Variants in BICD1 observed in about 807,000 individuals in gnomAD.
BICD1 encodes the protein BICD cargo adaptor 1.
In BICD1, 35 loss-of-function variants were observed where a neutral mutation model predicts 92.5. That is an observed-to-expected ratio of 0.38 (90% CI 0.29 to 0.50). BICD1 has a LOEUF of 0.50. Ranked by LOEUF, BICD1 falls within the 20% of genes least tolerant of loss-of-function variation. The pLI is 0.93. For missense variants in BICD1, 950 were observed against 1,189.8 expected (o/e 0.80, Z 2.97); for synonymous variants, 429 against 465.1 (o/e 0.92, Z 1.00).
chr12:32,122,852 C>T (rs934385073), intron 1 of BICD1, among the ~76,000 whole-genome samples: 1 of 152,076 alleles, frequency 6.6e-6, no homozygotes, highest in Non-Finnish European at 1.5e-5. Context: ...ATTTGTGATG[C>T]CAGTGTGATT....
chr12:32,142,637 A>G (rs1942982552), intron 1 of BICD1, among the ~76,000 whole-genome samples: 1 of 152,182 alleles, frequency 6.6e-6, no homozygotes, highest in African/African-American at 2.4e-5. Context: ...GCATTCTTAT[A>G]AAGAGATCTC....
chr12:32,142,849 T>C (rs2668300), intron 1 of BICD1, among the ~76,000 whole-genome samples: 152,014 of 152,362 alleles, frequency 1, 75,836 homozygotes, highest in Middle Eastern at 1. Flanking sequence ...CTTTATGAAA[T>C]CTTGCATGCA....
intron 1 of BICD1, among the ~76,000 whole-genome samples, chr12:32,118,857 T>C (rs1337214119): frequency 3.9e-5 from 6 of 152,250 alleles, no homozygotes; most frequent in African/African-American, 1.4e-4. Context: ...GTGGCTACTG[T>C]GTCGGGCATG....
intron 1 of BICD1, among the ~76,000 whole-genome samples, chr12:32,145,877 T>C (rs1314749541): frequency 6.6e-6 from 1 of 152,196 alleles, no homozygotes; most frequent in African/African-American, 2.4e-5. Context: ...TTTGTCTTTA[T>C]CAGTCTGAAT....
chr12:32,117,756 A>ATTTTTTT (rs1401761768), intron 1 of BICD1, among the ~76,000 whole-genome samples: 128 of 108,328 alleles, frequency 1.2e-3, no homozygotes, highest in African/African-American at 3.9e-3. Context: ...ATATATATAT[A>ATTTTTTT]TATTTTTTTT....
At chr12:32,361,561 A>AAG (rs1939326888) in intron 8 of BICD1, among the ~76,000 whole-genome samples, 1 of 151,808 alleles carries the variant, frequency 6.6e-6, no homozygotes, top group African/African-American at 2.4e-5. Context: ...TCAAAAAAAA[A>AAG]AAAAAAAGAA....
chr12:32,201,763 A>G (rs970936632), intron 1 of BICD1, among the ~76,000 whole-genome samples: 3 of 152,032 alleles, frequency 2.0e-5, no homozygotes, highest in African/African-American at 7.3e-5. Flanking sequence ...TAGTTTACCT[A>G]TATTTTATAC....
chr12:32,210,966 C>T (rs527277336), intron 1 of BICD1, among the ~76,000 whole-genome samples: 13 of 152,278 alleles, frequency 8.5e-5, no homozygotes, highest in African/African-American at 2.6e-4. Context: ...TGGAGCCAGA[C>T]GAGTCGGGTA....
Position 32,361,375 on chromosome 12 carries a change from A to G in BICD1, c.2765-6295A>G, listed in dbSNP as rs943725349. Among the ~76,000 whole-genome samples, 21 of 152,020 alleles carry G rather than the reference A, an allele frequency of 1.4e-4. No homozygotes were observed. In the South Asian group the frequency reaches 4.4e-3, roughly 32 times the overall value. ...GTTCGAGACCAGCCTGGCCATGGTG[A>G]AACCCCATCTCCACCAAACATACAA... On this transcript the variant is annotated intron_variant, in intron 8 of 9. Coordinates refer to ENST00000652176, the MANE Select transcript of BICD1 (RefSeq NM_001714.4).
chr12:32,211,415 C>T (rs543662538), intron 1 of BICD1, among the ~76,000 whole-genome samples: 1 of 152,202 alleles, frequency 6.6e-6, no homozygotes, highest in African/African-American at 2.4e-5. Flanking sequence ...ATTCTTGATT[C>T]TTTTTTGAAA....
rs1476376231 is a variant in BICD1, at chr12:32,348,714, T to TCACACA, written c.2764+9736_2764+9741dup. Among the ~76,000 whole-genome samples the TCACACA allele has an allele frequency of 6.6e-4, 90 of 136,334 alleles. 1 individual carries two copies. Among genetic ancestry groups the TCACACA allele is most frequent in the African/African-American group, 2.2e-3 (83 of 38,452 alleles). 89.4% of individuals were successfully genotyped at this position (136,334 alleles called of 152,430 possible). On this transcript the variant is annotated intron_variant, in intron 8 of 9. Transcript: ENST00000652176. ...CAAACCCGAAATGATGCTTTCTAGC[T>TCACACA]CACACAAAAATATATATATATATAT...
intron 1 of BICD1, among the ~76,000 whole-genome samples, chr12:32,152,251 T>C (rs1943309881): frequency 8.7e-6 from 1 of 115,376 alleles, no homozygotes. Flanking sequence ...ACTAGTTTTT[T>C]TTAACTTTTT....
chr12:32,184,492 G>T (rs559548479), intron 1 of BICD1, among the ~76,000 whole-genome samples: 1 of 152,152 alleles, frequency 6.6e-6, no homozygotes, highest in South Asian at 2.1e-4. Flanking sequence ...TCACCATGTT[G>T]GCCAGGCTGC....
intron 8 of BICD1, among the ~76,000 whole-genome samples, chr12:32,346,616 GTA>G (rs1260180834): frequency 0.17 from 484 of 2,830 alleles, 54 homozygotes; most frequent in African/African-American, 0.3. Flanking sequence ...ATATATACGT[GTA>G]TATATATATA....
chr12:32,121,721 AC>A (rs1942156662), intron 1 of BICD1, among the ~76,000 whole-genome samples: 1 of 152,106 alleles, frequency 6.6e-6, no homozygotes. Context: ...GGGCAACAGA[AC>A]AAGACTCTAT....
At chr12:32,346,578 ATATACG>A (rs1565687194) in intron 8 of BICD1, among the ~76,000 whole-genome samples, 6 of 26,194 alleles carry the variant, frequency 2.3e-4, no homozygotes, top group Non-Finnish European at 2.8e-4. Context: ...ATATATATAT[ATATACG>A]TGTATATATA....
At chr12:32,365,638 T>G (rs1376666837) in intron 8 of BICD1, among the ~76,000 whole-genome samples, 1 of 152,110 alleles carries the variant, frequency 6.6e-6, no homozygotes, top group Non-Finnish European at 1.5e-5. Flanking sequence ...TTTACCCAAA[T>G]ACACCATCGG....
intron 5 of BICD1, among the ~76,000 whole-genome samples, chr12:32,329,102 A>AT (rs144841669): frequency 0.22 from 33,252 of 151,470 alleles, 4,166 homozygotes; most frequent in East Asian, 0.6. Flanking sequence ...TATTATTATT[A>AT]TTATTTTTTA....
At chr12:32,304,774 T>C (rs2136216446) in intron 3 of BICD1, among the ~76,000 whole-genome samples, 1 of 152,240 alleles carries the variant, frequency 6.6e-6, no homozygotes, top group Middle Eastern at 3.4e-3. Flanking sequence ...TCCTAGCACT[T>C]TGGGAGGCCA....
Sources: allele counts gnomAD v4.1 joint callset (sites outside exome capture counted in the v4.1 genomes callset), GRCh38; gene constraint gnomAD v4.1.1; transcripts MANE v1.5; gene names NCBI Gene and HGNC (gene_info 2026-07-23, HGNC 2026-07-21).